Variants in VPS45 observed in about 807,000 individuals in gnomAD.
The protein encoded by VPS45 is vacuolar protein sorting 45 homolog.
VPS45 carries 35 observed loss-of-function variants against 75.9 expected under a neutral mutation model. The ratio of observed to expected loss-of-function variants is 0.46; its 90% CI spans 0.35 to 0.61. The LOEUF (loss-of-function observed/expected upper bound fraction) is 0.61. Among genes scored for constraint, VPS45 ranks in the 20% least tolerant of loss-of-function variants. The pLI is 0.00. For missense variants in VPS45, 559 were observed against 685.9 expected (o/e 0.81, Z 2.07); for synonymous variants, 220 against 238.2 (o/e 0.92, Z 0.70).
chr1:150,126,893 T>G (rs587737248), intron 14 of VPS45, among the ~76,000 whole-genome samples: 1 of 152,202 alleles, frequency 6.6e-6, no homozygotes, highest in Non-Finnish European at 1.5e-5. Flanking sequence ...AACTGACATT[T>G]TCTCCTTCAA....
rs1376821026 is a variant in VPS45 at position 150,091,379 on chromosome 1, C to T, written c.1105-558C>T. On this transcript the variant is annotated intron_variant, in intron 10 of 14. Coordinates refer to ENST00000644510, the MANE Select transcript of VPS45 (RefSeq NM_007259.5). ...AAATGTAAACATGGCTTCTCCTGGC[C>T]CCCTTTCCTATCGGTACCTGCCTCT... 2.0e-5 allele frequency among the ~76,000 whole-genome samples: 3 copies of T among 152,268 alleles called. No homozygotes were observed. In the East Asian group the frequency reaches 5.8e-4, roughly 29 times the overall value.
intron 10 of VPS45, 48 bp downstream of exon 10, chr1:150,082,931 G>C: frequency 6.5e-7 from 1 of 1,533,090 alleles, no homozygotes; most frequent in South Asian, 1.2e-5. Flanking sequence ...CACTGTGCCA[G>C]GCAGAGCAAG....
intron 14 of VPS45, among the ~76,000 whole-genome samples, chr1:150,122,102 C>T (rs1658265794): frequency 6.6e-6 from 1 of 152,128 alleles, no homozygotes; most frequent in Non-Finnish European, 1.5e-5. Flanking sequence ...GGCCGGATCA[C>T]CTGAGGTCAA....
intron 14 of VPS45, 35 bp from the exon 15 acceptor site, chr1:150,144,673 GT>G: frequency 6.4e-7 from 1 of 1,569,966 alleles, no homozygotes; most frequent in South Asian, 1.1e-5. Flanking sequence ...AGATGCTTTT[GT>G]TTTTTCCTTC....
intron 1 of VPS45, 25 bp downstream of exon 1, chr1:150,067,975 T>G (rs1559896031): frequency 6.2e-7 from 1 of 1,604,846 alleles, no homozygotes. Context: ...GCTCAGCATT[T>G]GTGAAGGAAC....
upstream of VPS45, chr1:150,067,620 A>C: frequency 2.0e-6 from 1 of 507,638 alleles, no homozygotes; most frequent in Non-Finnish European, 3.5e-6. Flanking sequence ...GGTGGAGAAT[A>C]ACGCCCGCGC....
intron 7 of VPS45, among the ~76,000 whole-genome samples, chr1:150,078,867 T>C (rs185018687): frequency 2.0e-5 from 3 of 152,126 alleles, no homozygotes; most frequent in East Asian, 1.9e-4. Flanking sequence ...CCCAGCACTT[T>C]GGGAGGTCGA....
chr1:150,076,306 G>C lies in VPS45; in HGVS notation c.363G>C (p.Glu121Asp), dbSNP rs1553798068. ...AEADEQEVVA[E>D]VQEFYGDYIA... is the part of the protein sequence containing the mutation. ...CTGATGAACAGGAAGTTGTGGCTGAGGTTCAGGTAAACATATTGGTCCTGT... is the reference window on the plus strand; with the variant it reads ...CTGATGAACAGGAAGTTGTGGCTGACGTTCAGGTAAACATATTGGTCCTGT... The change falls in exon 4 of 15, where the codon GAG becomes GAC. Residue 121 changes from glutamate (E) to aspartate (D), a missense_variant. Glu to Asp is a conservative substitution (Grantham distance 45). Coordinates refer to ENST00000644510, the MANE Select transcript of VPS45 (RefSeq NM_007259.5). The C allele has an allele frequency of 8.7e-6, 14 of 1,604,910 alleles. No individual in the cohort carries two copies. Among genetic ancestry groups the C allele is most frequent in the Non-Finnish European group, 1.2e-5 (14 of 1,175,106 alleles).
At chr1:150,126,069 AG>A (rs1305110373) in intron 14 of VPS45, among the ~76,000 whole-genome samples, 1 of 151,302 alleles carries the variant, frequency 6.6e-6, no homozygotes, top group African/African-American at 2.4e-5. Flanking sequence ...GTGGGGACAA[AG>A]GTTTAAGATA....
At chr1:150,130,999 G>C (rs1658802947) in intron 14 of VPS45, among the ~76,000 whole-genome samples, 1 of 152,128 alleles carries the variant, frequency 6.6e-6, no homozygotes, top group South Asian at 2.1e-4. Context: ...TACAGAGCTG[G>C]AACTCAAGCT....
At position 150,067,888 on chromosome 1, in the gene VPS45, A is replaced by T; in HGVS notation, c.31A>T (p.Ile11Phe). ...CGTGGTTTTTGCTGTGAAGCAGTAC[A>T]TTTCCAAAATGATAGAGGACAGCGG... MNVVFAVKQY[I>F]SKMIEDSGPG... Residue 11 changes from isoleucine (I) to phenylalanine (F), a missense_variant, in exon 1 of 15, where the codon ATT becomes TTT. Coordinates refer to ENST00000644510, the MANE Select transcript of VPS45 (RefSeq NM_007259.5). The T allele has an allele frequency of 6.2e-7, 1 of 1,614,222 alleles. No homozygotes were observed. The highest frequency in any genetic ancestry group is 8.5e-7 in the Non-Finnish European group (1 of 1,180,034).
At chr1:150,132,727 G>A (rs1465052225) in intron 14 of VPS45, among the ~76,000 whole-genome samples, 1 of 152,202 alleles carries the variant, frequency 6.6e-6, no homozygotes, top group Non-Finnish European at 1.5e-5. Context: ...GGGTTTCAGT[G>A]CCAGACTACC....
chr1:150,079,793 T>C (rs1655596073), intron 7 of VPS45, among the ~76,000 whole-genome samples: 1 of 152,214 alleles, frequency 6.6e-6, no homozygotes, highest in Non-Finnish European at 1.5e-5. Context: ...CTAAGGGAAA[T>C]CTGTGGAGTG....
chr1:150,092,418 A>ATC lies in VPS45; in HGVS notation c.1371+12_1371+13dup, dbSNP rs2101567083. 1 of 1,610,050 alleles carries ATC rather than the reference A, an allele frequency of 6.2e-7. No individual in the cohort carries two copies. Among genetic ancestry groups the ATC allele is most frequent in the Non-Finnish European group, 8.5e-7 (1 of 1,176,470 alleles). On this transcript the variant is annotated intron_variant, in intron 12 of 14. Transcript: ENST00000644510. Reference sequence around the variant, plus strand: ...TCCTCAAAGGACTGAAGGTATAGACATCTCCTCTATGCTCTCCTGAGTGAG... The same window carrying ATC: ...TCCTCAAAGGACTGAAGGTATAGACATCTCTCCTCTATGCTCTCCTGAGTGAG...
chr1:150,114,872 A>AC (rs1264723672), intron 14 of VPS45, among the ~76,000 whole-genome samples: 1 of 139,072 alleles, frequency 7.2e-6, no homozygotes, highest in African/African-American at 2.7e-5. Flanking sequence ...TCATGTCACC[A>AC]CCCCCCAGCC....
upstream of VPS45, chr1:150,067,648 C>T (rs768273448): frequency 2.6e-5 from 14 of 543,554 alleles, no homozygotes; most frequent in Non-Finnish European, 4.2e-5. Flanking sequence ...CGGCCCAGGC[C>T]GTCTCAGCCG....
chr1:150,094,791 T>G (rs782091635), intron 13 of VPS45, among the ~76,000 whole-genome samples: 5 of 152,234 alleles, frequency 3.3e-5, no homozygotes, highest in Non-Finnish European at 7.3e-5. Flanking sequence ...TGCTTATGAA[T>G]TTTTATAAGA....
At chr1:150,118,485 A>G (rs587595995) in intron 14 of VPS45, among the ~76,000 whole-genome samples, 1 of 151,836 alleles carries the variant, frequency 6.6e-6, no homozygotes, top group East Asian at 2.0e-4. Flanking sequence ...AGCTCACTGC[A>G]ACCTCTGCCT....
At chr1:150,129,551 T>A (rs77623078) in intron 14 of VPS45, among the ~76,000 whole-genome samples, 3,401 of 152,170 alleles carry the variant, frequency 0.022, 101 homozygotes, top group African/African-American at 0.077. Context: ...ACATTTTTTT[T>A]AATTTTATTT....
Sources: gnomAD v4.1 joint callset for allele counts (sites outside exome capture counted in the v4.1 genomes callset) on GRCh38, gnomAD v4.1.1 for gene constraint, MANE v1.5 for transcripts, NCBI Gene and HGNC (gene_info 2026-07-23, HGNC 2026-07-21) for gene names.